The following USH2A variants were observed in gnomAD, a reference collection of about 807,000 sequenced individuals.
The protein encoded by USH2A is usherin, also known as Usher syndrome 2A (autosomal recessive, mild).
Under a neutral mutation model 538.9 loss-of-function variants are expected in USH2A, and 443 were observed. That is an observed-to-expected ratio of 0.82 (90% confidence interval 0.76 to 0.89). The LOEUF (loss-of-function observed/expected upper bound fraction) is 0.89. USH2A is among the 40% of genes least tolerant of loss of function. USH2A has a pLI of 0.00. For missense variants in USH2A, 6,633 were observed against 6,324.8 expected (o/e 1.05, Z -1.65); for synonymous variants, 2,413 against 2,273.5 (o/e 1.06, Z -1.75).
chr1:215,853,610 C>T (rs545593133), intron 44 of USH2A, among the ~76,000 whole-genome samples: 1 of 152,280 alleles, frequency 6.6e-6, no homozygotes, highest in South Asian at 2.1e-4. Context: ...GCTCTGCTTC[C>T]CTTATAAAAC....
chr1:216,241,527 T>C (rs1199327620), intron 13 of USH2A, among the ~76,000 whole-genome samples: 1 of 151,988 alleles, frequency 6.6e-6, no homozygotes, highest in Non-Finnish European at 1.5e-5. Context: ...CTGGTATATA[T>C]TTGTCTTTTT....
chr1:216,270,631 T>C (rs1347502212), intron 11 of USH2A, among the ~76,000 whole-genome samples: 4 of 152,130 alleles, frequency 2.6e-5, no homozygotes, highest in Admixed American at 2.0e-4. Context: ...AGCTATTGTA[T>C]ACTGAATGAT....
rs2102666320 is a variant in USH2A at position 215,675,118 on chromosome 1, C to T, written c.12793G>A (p.Gly4265Ser). The T allele has an allele frequency of 6.2e-7, 1 of 1,614,008 alleles. No homozygotes were observed. The highest frequency in any genetic ancestry group is 8.5e-7 in the Non-Finnish European group (1 of 1,179,986). Reference protein sequence around the residue: ...VVRTLQAPPEGLSPPVISYVS... With the variant: ...VVRTLQAPPESLSPPVISYVS... ...TAGGATATCACAGGTGGAGAGAGAC[C>T]TTCTGGAGGTGCTTGCAATGTCCTC... Residue 4265 changes from glycine to serine, a missense_variant, in exon 63 of 72, where the codon GGT (glycine) becomes AGT (serine). Gly to Ser is a moderately conservative substitution (Grantham distance 56). Coordinates refer to ENST00000307340, the MANE Select transcript of USH2A (RefSeq NM_206933.4).
At position 215,782,118 on chromosome 1, in the gene USH2A, T is replaced by A. The variant is rs1661660819; in HGVS notation, c.10664A>T (p.Glu3555Val). ...ATATTCCTGAAATGGTTGAATTCCC[T>A]CTTTATCAGAGAAGCTCAGTGATGT... is the stretch of plus-strand genomic sequence containing the variant. ...RGTSLSFSDK[E>V]GIQPFQEYSY... The change falls in exon 54 of 72, where the codon GAG becomes GTG. Residue 3555 changes from glutamate to valine, a missense_variant. Glu to Val is a moderately radical substitution (Grantham distance 121). Transcript: ENST00000307340. 6.2e-7 allele frequency: 1 copy of A among 1,614,038 alleles called. No homozygotes were observed. The highest frequency in any genetic ancestry group is 8.5e-7 in the Non-Finnish European group (1 of 1,179,910).
In USH2A at chr1:215,623,396, G is replaced by A. The variant is rs1378337261; in HGVS notation, c.*2385C>T. ...TCTTCCAGATTGTGGAACATCAGTG[G>A]GTCTCAACATTAGAACACCTGGAAG... On this transcript the variant is annotated 3_prime_UTR_variant, in exon 72 of 72. Coordinates refer to ENST00000307340, the MANE Select transcript of USH2A (RefSeq NM_206933.4). 6.6e-6 allele frequency: 1 copy of A among 151,954 alleles called. No homozygotes were observed. Among genetic ancestry groups the A allele is most frequent in the Non-Finnish European group, 1.5e-5 (1 of 68,000 alleles). The allele number at this position is 151,954 out of a possible 1,614,324, so 9.4% of individuals were successfully genotyped here.
At chr1:216,308,339 T>TA (rs2037355769) in intron 9 of USH2A, among the ~76,000 whole-genome samples, 1 of 152,170 alleles carries the variant, frequency 6.6e-6, no homozygotes, top group African/African-American at 2.4e-5. Flanking sequence ...AGTCCCCACT[T>TA]ACCAGTTCCT....
chr1:215,683,864 C>A (rs1658326782), intron 61 of USH2A, among the ~76,000 whole-genome samples: 1 of 152,012 alleles, frequency 6.6e-6, no homozygotes, highest in Non-Finnish European at 1.5e-5. Context: ...TTTTTGACTA[C>A]ATTTTTTGTT....
intron 44 of USH2A, among the ~76,000 whole-genome samples, chr1:215,865,037 T>C (rs1261270191): frequency 1.3e-5 from 2 of 152,316 alleles, no homozygotes; most frequent in South Asian, 2.1e-4. Context: ...TTTCAATCTA[T>C]AGTTTGTTGC....
intron 55 of USH2A, among the ~76,000 whole-genome samples, chr1:215,771,416 T>C (rs1661280933): frequency 6.7e-6 from 1 of 148,848 alleles, no homozygotes; most frequent in Non-Finnish European, 1.5e-5. Flanking sequence ...CCGTCTCTAC[T>C]AAAAATACAA....
intron 11 of USH2A, among the ~76,000 whole-genome samples, chr1:216,282,178 T>C (rs1403056801): frequency 1.3e-5 from 2 of 152,172 alleles, no homozygotes; most frequent in Non-Finnish European, 2.9e-5. Flanking sequence ...ACTAATTCTT[T>C]GGGTTGTTTA....
rs751908453 is a variant in USH2A, at chr1:215,648,606, G to A, written c.14504C>T (p.Pro4835Leu). Residue 4835 changes from proline to leucine, a missense_variant, in exon 66 of 72, where the codon CCA becomes CTA. By Grantham distance (98) the Pro-to-Leu change is moderately conservative. Transcript: ENST00000307340. ...HPAPPSGLSS[P>L]QIGTLASRTA... The stretch of plus-strand genomic sequence containing the variant: ...CCTTGAGGCCAGCGTCCCGATTTGT[G>A]GAGAGGACAGTCCTGAGGGTGGGGC... 6.2e-7 allele frequency: 1 copy of A among 1,614,084 alleles called. No individual in the cohort carries two copies. Among genetic ancestry groups the A allele is most frequent in the Non-Finnish European group, 8.5e-7 (1 of 1,180,042 alleles).
intron 47 of USH2A, among the ~76,000 whole-genome samples, chr1:215,828,489 G>A (rs543365446): frequency 2.0e-5 from 3 of 152,092 alleles, no homozygotes; most frequent in Non-Finnish European, 4.4e-5. Context: ...CATTAATAAC[G>A]ATAGTGGTTT....
At position 216,364,941 on chromosome 1, in the gene USH2A, T is replaced by G; in HGVS notation, c.784+12A>C. 6.2e-7 allele frequency: 1 copy of G among 1,613,290 alleles called. No individual in the cohort carries two copies. Among genetic ancestry groups the G allele is most frequent in the Non-Finnish European group, 8.5e-7 (1 of 1,179,530 alleles). On this transcript the variant is annotated intron_variant, in intron 4 of 71. Coordinates refer to ENST00000307340, the MANE Select transcript of USH2A (RefSeq NM_206933.4). ...GGATGAAATAAATAACATTCTGAAG[T>G]CAGAAACTTACCATTTAAACTCTGT...
At chr1:215,645,367 C>T (rs974351045) in intron 67 of USH2A, among the ~76,000 whole-genome samples, 5 of 152,158 alleles carry the variant, frequency 3.3e-5, no homozygotes, top group African/African-American at 1.2e-4. Flanking sequence ...GATGTGGAAA[C>T]TGGCCAGGTT....
intron 62 of USH2A, among the ~76,000 whole-genome samples, chr1:215,677,793 C>A (rs1406996687): frequency 3.9e-5 from 6 of 152,196 alleles, no homozygotes; most frequent in Non-Finnish European, 8.8e-5. Context: ...TACATTCTCT[C>A]CATAGCTGAT....
At chr1:215,742,608 G>A (rs759484945) in intron 59 of USH2A, among the ~76,000 whole-genome samples, 18 of 152,062 alleles carry the variant, frequency 1.2e-4, no homozygotes, top group Middle Eastern at 3.4e-3. Flanking sequence ...CTACTTATCC[G>A]TTTGGAGTGA....
At chr1:216,131,388 C>T (rs763241646) in intron 21 of USH2A, among the ~76,000 whole-genome samples, 5 of 152,008 alleles carry the variant, frequency 3.3e-5, no homozygotes, top group South Asian at 4.1e-4. Context: ...CTTGCCTAAA[C>T]CAATGCCTAG....
chr1:216,320,885 T>C (rs2102649289), intron 9 of USH2A, among the ~76,000 whole-genome samples: 1 of 152,234 alleles, frequency 6.6e-6, no homozygotes, highest in East Asian at 1.9e-4. Flanking sequence ...TACCTTACAT[T>C]TATGTTAACC....
intron 32 of USH2A, among the ~76,000 whole-genome samples, chr1:216,030,652 A>C (rs1669101871): frequency 6.8e-6 from 1 of 147,708 alleles, no homozygotes; most frequent in African/African-American, 2.5e-5. Context: ...CGATATATAT[A>C]TATAAATCAA....
Sources: allele counts gnomAD v4.1 joint callset (sites outside exome capture counted in the v4.1 genomes callset), GRCh38; gene constraint gnomAD v4.1.1; transcripts MANE v1.5; gene names NCBI Gene and HGNC (gene_info 2026-07-23, HGNC 2026-07-21).